Variants in CACNA1B observed in about 807,000 individuals in gnomAD.
The protein encoded by CACNA1B is calcium voltage-gated channel subunit alpha1 B, also known as voltage-dependent N-type calcium channel subunit alpha-1B.
In CACNA1B, 70 loss-of-function variants were observed where a neutral mutation model predicts 247.2. The ratio of observed to expected loss-of-function variants is 0.28; its 90% CI spans 0.23 to 0.35. CACNA1B has a LOEUF of 0.35. Among genes scored for constraint, CACNA1B ranks in the 10% least tolerant of loss-of-function variants. CACNA1B has a pLI of 1.00. For missense variants in CACNA1B, 2,367 were observed against 3,197.4 expected (o/e 0.74, Z 6.26); for synonymous variants, 1,231 against 1,294.4 (o/e 0.95, Z 1.05).
Position 138,052,498 on chromosome 9 carries a change from G to A in CACNA1B, c.3807+310G>A, listed in dbSNP as rs1436412524. 6.6e-6 allele frequency among the ~76,000 whole-genome samples: 1 copy of A among 152,154 alleles called. No homozygotes were observed. On this transcript the variant is annotated intron_variant, in intron 25 of 46. Transcript: ENST00000371372. The surrounding 1 kb of genome is among the most constrained non-coding windows in gnomAD (Gnocchi z 5.1). Reference sequence around the variant, plus strand: ...GTGCAGGGTGGTGGAGGGAGATGCTGGAGGTGAGGGGCTTGGGACATTGGC... The same window carrying A: ...GTGCAGGGTGGTGGAGGGAGATGCTAGAGGTGAGGGGCTTGGGACATTGGC...
chr9:137,931,345 C>A (rs751411036), intron 6 of CACNA1B, among the ~76,000 whole-genome samples: 1 of 152,192 alleles, frequency 6.6e-6, no homozygotes, highest in Middle Eastern at 3.4e-3. Flanking sequence ...AAGACCAGGC[C>A]CTCTACCATT....
intron 20 of CACNA1B, among the ~76,000 whole-genome samples, chr9:138,041,847 T>C (rs1447239750): frequency 6.6e-6 from 1 of 152,212 alleles, no homozygotes; most frequent in Non-Finnish European, 1.5e-5. Context: ...CTTGAACTCC[T>C]GACCTCAAGT....
chr9:138,112,601 G>T, intron 40 of CACNA1B, 96 bp downstream of exon 40: 1 of 818,622 alleles, frequency 1.2e-6, no homozygotes. Context: ...GGGATGAAGG[G>T]CAGGCCACCT....
chr9:137,979,840 C>T (rs1395895746), intron 12 of CACNA1B, among the ~76,000 whole-genome samples: 2 of 152,212 alleles, frequency 1.3e-5, no homozygotes, highest in Non-Finnish European at 2.9e-5. Flanking sequence ...GTTATCTACA[C>T]TCAACATTCA....
At chr9:138,032,078 C>T (rs1017205016) in intron 20 of CACNA1B, among the ~76,000 whole-genome samples, 1 of 151,666 alleles carries the variant, frequency 6.6e-6, no homozygotes, top group Non-Finnish European at 1.5e-5. Context: ...CTCTGGTTTC[C>T]TTTTTCTCCC....
intron 15 of CACNA1B, among the ~76,000 whole-genome samples, chr9:138,005,020 C>T (rs762073155): frequency 2.0e-5 from 3 of 152,184 alleles, no homozygotes; most frequent in Non-Finnish European, 4.4e-5. Context: ...GGAACTCTCT[C>T]ACACTGTTGA....
At chr9:138,042,420 C>T (rs1367105736) in intron 20 of CACNA1B, among the ~76,000 whole-genome samples, 3 of 151,582 alleles carry the variant, frequency 2.0e-5, no homozygotes, top group Non-Finnish European at 4.4e-5. Context: ...TCAGCCTGGG[C>T]AACAAGAGCG....
Position 137,957,753 on chromosome 9 carries a change from TC to T in CACNA1B, c.1333+70del, listed in dbSNP as rs1404846800. The T allele has an allele frequency of 4.3e-6, 5 of 1,157,084 alleles. No individual in the cohort carries two copies. The highest frequency in any genetic ancestry group is 2.6e-5 in the Admixed American group (1 of 38,806). 71.7% of individuals were successfully genotyped at this position (1,157,084 alleles called of 1,614,324 possible). On this transcript the variant is annotated intron_variant, in intron 10 of 46. Transcript: ENST00000371372. The surrounding 1 kb of genome is among the most constrained non-coding windows in gnomAD (Gnocchi z 4.7). Reference sequence around the variant, plus strand: ...CTGGACATGGAGTGCATGCTCCGCTTCCCCTGCTACCCAGCCACTGTTGGAC... The same window carrying T: ...CTGGACATGGAGTGCATGCTCCGCTTCCCTGCTACCCAGCCACTGTTGGAC...
Position 137,952,407 on chromosome 9 carries a change from G to A in CACNA1B, c.1070+30G>A, listed in dbSNP as rs975198896. 3 of 1,563,080 alleles carry A rather than the reference G, an allele frequency of 1.9e-6. No homozygotes were observed. Among genetic ancestry groups the A allele is most frequent in the Non-Finnish European group, 1.8e-6 (2 of 1,133,846 alleles). ...GAGACCATGTGGGGGATGTGCAGGT[G>A]CCCCTCTGTGTTCTCAGCTGAGGGG... On this transcript the variant is annotated intron_variant, in intron 7 of 46. Coordinates refer to ENST00000371372, the MANE Select transcript of CACNA1B (RefSeq NM_000718.4). This position sits in a 1 kb window ranked among gnomAD's most constrained non-coding sequence, Gnocchi z 4.8.
rs369112205 is a variant in CACNA1B, at chr9:138,049,588, A to G, written c.3710+273A>G. Among the ~76,000 whole-genome samples the G allele has an allele frequency of 2.6e-5, 4 of 152,122 alleles. No homozygotes were observed. The East Asian group carries it at 7.8e-4, about 30-fold the overall frequency. On this transcript the variant is annotated intron_variant, in intron 24 of 46. Transcript: ENST00000371372. ...CCGCCTGCCTGGAGGGGTGGGTGCT[A>G]TGTGGGGCTGGGAGGCCCTGGTGCG... is the stretch of plus-strand genomic sequence containing the variant.
intron 15 of CACNA1B, among the ~76,000 whole-genome samples, chr9:138,004,711 C>T (rs1419661615): frequency 6.6e-6 from 1 of 152,064 alleles, no homozygotes; most frequent in Non-Finnish European, 1.5e-5. Flanking sequence ...TGTAGTGGAA[C>T]CCTAAAGACT....
intron 20 of CACNA1B, among the ~76,000 whole-genome samples, chr9:138,034,641 G>T (rs1959021923): frequency 6.6e-6 from 1 of 151,932 alleles, no homozygotes; most frequent in African/African-American, 2.4e-5. Context: ...CCAAATCTAG[G>T]ATATATATGA....
chr9:138,006,927 G>C (rs1958659499), intron 16 of CACNA1B, 43 bp downstream of exon 16: 1 of 1,041,320 alleles, frequency 9.6e-7, no homozygotes, highest in Admixed American at 1.9e-5. Flanking sequence ...TCAGTGCTTG[G>C]CCCTCCTCTT....
intron 11 of CACNA1B, among the ~76,000 whole-genome samples, chr9:137,972,168 A>G (rs572184335): frequency 2.0e-5 from 3 of 148,216 alleles, no homozygotes; most frequent in Admixed American, 6.7e-5. Context: ...GCCTCAGCAC[A>G]GGGGCCAGGA....
intron 9 of CACNA1B, 88 bp downstream of exon 9, chr9:137,956,915 C>G: frequency 9.0e-7 from 1 of 1,107,060 alleles, no homozygotes; most frequent in Non-Finnish European, 1.4e-6. Flanking sequence ...ATGTTTCACG[C>G]GAAGTGCTCT....
intron 6 of CACNA1B, among the ~76,000 whole-genome samples, chr9:137,944,975 C>G (rs368891877): frequency 6.6e-6 from 1 of 152,108 alleles, no homozygotes; most frequent in Non-Finnish European, 1.5e-5. Context: ...TAAGACCTTC[C>G]TTTTCAGGGC....
Position 138,071,501 on chromosome 9 carries a change from G to A in CACNA1B, c.4674+1738G>A, listed in dbSNP as rs555735346. On this transcript the variant is annotated intron_variant, in intron 32 of 46. Transcript: ENST00000371372. ...GTGCTCGGCCTGCCACGCTGTGCTC[G>A]AACATCTGTGGCTGCCGTCACCGTC... 7.2e-4 allele frequency among the ~76,000 whole-genome samples: 109 copies of A among 152,164 alleles called. 2 individuals carry two copies. Among genetic ancestry groups the A allele is most frequent in the Admixed American group, 4.6e-4 (7 of 15,282 alleles).
Position 137,901,471 on chromosome 9 carries a change from G to A in CACNA1B, c.531-11709G>A, listed in dbSNP as rs188132965. On this transcript the variant is annotated intron_variant, in intron 3 of 46. Coordinates refer to ENST00000371372, the MANE Select transcript of CACNA1B (RefSeq NM_000718.4). ...CTCCTAAGTAGCTGGGATTACAGGC[G>A]CATACCACCAAGCCCAGCTGATTTT... Among the ~76,000 whole-genome samples, 8 of 151,892 alleles carry A rather than the reference G, an allele frequency of 5.3e-5. No individual in the cohort carries two copies. The East Asian group carries it at 7.8e-4, about 15-fold the overall frequency.
intron 5 of CACNA1B, among the ~76,000 whole-genome samples, chr9:137,916,865 C>T (rs1052766824): frequency 3.6e-5 from 5 of 140,672 alleles, no homozygotes; most frequent in Admixed American, 6.9e-5. Flanking sequence ...GGGAGAGGAA[C>T]GATCAGCGTG....
Sources: gnomAD v4.1 joint callset for allele counts (sites outside exome capture counted in the v4.1 genomes callset) on GRCh38, gnomAD v4.1.1 for gene constraint, Gnocchi (gnomAD v3.1) non-coding constraint, MANE v1.5 for transcripts, NCBI Gene and HGNC (gene_info 2026-07-23, HGNC 2026-07-21) for gene names.